The following PLXNA4 variants were observed in gnomAD, a reference collection of about 807,000 sequenced individuals.
PLXNA4 encodes plexin A4.
In PLXNA4, 44 loss-of-function variants were observed where a neutral mutation model predicts 191.8. That is an observed-to-expected ratio of 0.23 (90% CI 0.18 to 0.29). The LOEUF (loss-of-function observed/expected upper bound fraction) is 0.29, where lower values mean the gene tolerates loss of function less well. PLXNA4 is among the 10% of genes least tolerant of loss of function. The pLI is 1.00. For missense variants in PLXNA4, 1,800 were observed against 2,488.8 expected (o/e 0.72, Z 5.89); for synonymous variants, 1,082 against 1,009.5 (o/e 1.07, Z -1.36).
At chr7:132,457,990 G>A (rs1796369927) in intron 3 of PLXNA4, among the ~76,000 whole-genome samples, 2 of 152,180 alleles carry the variant, frequency 1.3e-5, no homozygotes, top group Non-Finnish European at 2.9e-5. Flanking sequence ...AGCTGTAAGA[G>A]AATACATTTG....
intron 4 of PLXNA4, among the ~76,000 whole-genome samples, chr7:132,273,787 C>T (rs908732140): frequency 2.0e-5 from 3 of 152,142 alleles, no homozygotes; most frequent in Non-Finnish European, 2.9e-5. Context: ...TGGAAAGAGA[C>T]AGCCTCCAGC....
intron 25 of PLXNA4, among the ~76,000 whole-genome samples, chr7:132,153,543 G>A (rs1795705701): frequency 6.6e-6 from 1 of 152,154 alleles, no homozygotes; most frequent in Non-Finnish European, 1.5e-5. Flanking sequence ...TGCCTGTAGA[G>A]TCTCTAGGAA....
At chr7:132,283,468 A>G (rs1479650261) in intron 4 of PLXNA4, among the ~76,000 whole-genome samples, 1 of 152,244 alleles carries the variant, frequency 6.6e-6, no homozygotes, top group Non-Finnish European at 1.5e-5. Flanking sequence ...AGCAAGCCAA[A>G]CATCAGTTAG....
chr7:132,137,959 TAAG>T (rs1254518445), intron 30 of PLXNA4, among the ~76,000 whole-genome samples: 3 of 144,928 alleles, frequency 2.1e-5, no homozygotes, highest in African/African-American at 5.2e-5. Context: ...AGAGGACAGA[TAAG>T]AAGACTGGTG....
chr7:132,264,176 C>T (rs1232166789), intron 4 of PLXNA4: 1 of 152,148 alleles, frequency 6.6e-6, no homozygotes, highest in Non-Finnish European at 1.5e-5. Context: ...AGATGGATCC[C>T]AAAACTGAAG....
chr7:132,459,581 C>T (rs886164938), intron 3 of PLXNA4, among the ~76,000 whole-genome samples: 11 of 152,082 alleles, frequency 7.2e-5, no homozygotes, highest in African/African-American at 1.9e-4. Context: ...TTATTTCCCT[C>T]GGGCATTTTC....
chr7:132,161,632 C>T lies in PLXNA4; in HGVS notation c.4501-2000G>A, dbSNP rs567551531. On this transcript the variant is annotated intron_variant, in intron 24 of 31. Transcript: ENST00000321063. ...CCCAGGTTCCCCGGTGGGCATCTAG[C>T]GCTCTAGCAGGCTTCCAGGTGCGCA... is the stretch of plus-strand genomic sequence containing the variant. 8.5e-5 allele frequency among the ~76,000 whole-genome samples: 13 copies of T among 152,226 alleles called. No individual in the cohort carries two copies. In the East Asian group the frequency reaches 1.5e-3, roughly 18 times the overall value.
intron 31 of PLXNA4, among the ~76,000 whole-genome samples, chr7:132,132,440 CTGT>C (rs1264546247): frequency 1.4e-4 from 9 of 64,738 alleles, no homozygotes; most frequent in Admixed American, 6.5e-4. Context: ...CTGTTCTGTT[CTGT>C]TCTGTTCTGT....
At chr7:132,189,010 GA>G (rs759082015) in intron 14 of PLXNA4, among the ~76,000 whole-genome samples, 3,972 of 68,418 alleles carry the variant, frequency 0.058, 344 homozygotes, top group African/African-American at 0.14. Flanking sequence ...GAGAGAGAGA[GA>G]GAGAGAGAGA....
intron 2 of PLXNA4, among the ~76,000 whole-genome samples, chr7:132,607,448 A>T (rs910797001): frequency 6.6e-6 from 1 of 152,234 alleles, no homozygotes; most frequent in Non-Finnish European, 1.5e-5. Context: ...CTGCAAATCC[A>T]TACTGAGCAG....
intron 3 of PLXNA4, among the ~76,000 whole-genome samples, chr7:132,322,664 G>A (rs1308222608): frequency 6.6e-6 from 1 of 152,214 alleles, no homozygotes; most frequent in Non-Finnish European, 1.5e-5. Context: ...ACATAGGTGA[G>A]TTGCTCCGTC....
intron 2 of PLXNA4, among the ~76,000 whole-genome samples, chr7:132,505,398 G>T (rs140649181): frequency 2.6e-4 from 40 of 152,130 alleles, no homozygotes; most frequent in Admixed American, 2.5e-3. Flanking sequence ...CAAGAGCATC[G>T]CCCAAAAAGT....
intron 4 of PLXNA4, among the ~76,000 whole-genome samples, chr7:132,266,687 T>G (rs1799871853): frequency 6.6e-6 from 1 of 152,166 alleles, no homozygotes. Context: ...AGAACTTGGG[T>G]GGTTTCTCCA....
chr7:132,601,474 G>A (rs1802818811), intron 2 of PLXNA4, among the ~76,000 whole-genome samples: 1 of 152,192 alleles, frequency 6.6e-6, no homozygotes, highest in African/African-American at 2.4e-5. Context: ...ACTTAAGAAA[G>A]TATAAAGGGA....
At chr7:132,485,124 C>T in intron 3 of PLXNA4, 1 of 1,430,000 alleles carries the variant, frequency 7.0e-7, no homozygotes, top group Non-Finnish European at 9.4e-7. Flanking sequence ...GTACTATATA[C>T]TCCTATTGCC....
chr7:132,330,906 G>T (rs912950387), intron 3 of PLXNA4, among the ~76,000 whole-genome samples: 3 of 152,154 alleles, frequency 2.0e-5, no homozygotes, highest in Non-Finnish European at 4.4e-5. Flanking sequence ...AATAAAGAAG[G>T]CTGACCAAGG....
At chr7:132,498,107 A>G (rs1055529243) in intron 2 of PLXNA4, among the ~76,000 whole-genome samples, 1 of 152,218 alleles carries the variant, frequency 6.6e-6, no homozygotes, top group Admixed American at 6.5e-5. Context: ...GCCCAAAAAT[A>G]GAAGAGTAGA....
At chr7:132,413,861 C>A (rs1794560725) in intron 3 of PLXNA4, among the ~76,000 whole-genome samples, 1 of 152,268 alleles carries the variant, frequency 6.6e-6, no homozygotes, top group South Asian at 2.1e-4. Context: ...CCATATCAAC[C>A]ATCCAGTAAA....
At chr7:132,563,091 T>TC (rs1563175413) in intron 1 of PLXNA4, among the ~76,000 whole-genome samples, 2 of 23,892 alleles carry the variant, frequency 8.4e-5, no homozygotes, top group African/African-American at 1.6e-4. Context: ...CCTCCTCCTC[T>TC]TCTTCCTCCT....
Sources: allele counts gnomAD v4.1 joint callset (sites outside exome capture counted in the v4.1 genomes callset), GRCh38; gene constraint gnomAD v4.1.1; transcripts MANE v1.5; gene names NCBI Gene and HGNC (gene_info 2026-07-23, HGNC 2026-07-21).